Variants in CPPED1 observed in about 807,000 individuals in gnomAD.
CPPED1 encodes serine/threonine-protein phosphatase CPPED1.
Under a neutral mutation model 28.0 loss-of-function variants are expected in CPPED1, and 28 were observed. The observed-to-expected ratio is 1.00, with a 90% CI of 0.74 to 1.37. The LOEUF is 1.37. CPPED1 is among the 40% of genes most tolerant of loss of function. The pLI is 0.00. For missense variants in CPPED1, 504 were observed against 416.5 expected (o/e 1.21, Z -1.83); for synonymous variants, 198 against 180.2 (o/e 1.10, Z -0.79).
chr16:12,684,839 G>A (rs2079924335), intron 3 of CPPED1, among the ~76,000 whole-genome samples: 1 of 152,150 alleles, frequency 6.6e-6, no homozygotes, highest in African/African-American at 2.4e-5. Flanking sequence ...ATGGAGAGAT[G>A]GATGGATGGA....
chr16:12,769,573 T>A (rs945653121), intron 2 of CPPED1, among the ~76,000 whole-genome samples: 2 of 152,166 alleles, frequency 1.3e-5, no homozygotes, highest in African/African-American at 4.8e-5. Context: ...ATTAGTCATA[T>A]AAGGTAAATT....
intron 2 of CPPED1, among the ~76,000 whole-genome samples, chr16:12,721,193 G>A (rs1048046656): frequency 1.3e-5 from 2 of 152,036 alleles, no homozygotes; most frequent in African/African-American, 4.8e-5. Flanking sequence ...ATGCTTCACT[G>A]AAAGTCCATC....
intron 2 of CPPED1, among the ~76,000 whole-genome samples, chr16:12,711,698 G>T (rs1283737278): frequency 6.6e-6 from 1 of 152,080 alleles, no homozygotes. Flanking sequence ...GCTTTTCAAG[G>T]GGATCCATAA....
chr16:12,694,775 A>C (rs867536799), intron 3 of CPPED1, among the ~76,000 whole-genome samples: 2,635 of 128,750 alleles, frequency 0.02, 87 homozygotes, highest in African/African-American at 0.069. Context: ...TTTTTTAAAA[A>C]CCCCCCCCTT....
In CPPED1 at chr16:12,662,310, C is replaced by T. The variant is rs2079799493; in HGVS notation, c.*2576G>A. The T allele has an allele frequency of 6.6e-6, 1 of 152,132 alleles. No individual in the cohort carries two copies. Among genetic ancestry groups the T allele is most frequent in the Non-Finnish European group, 1.5e-5 (1 of 68,026 alleles). 9.4% of individuals were successfully genotyped at this position (152,132 alleles called of 1,614,324 possible). A position where few individuals can be genotyped will look rare whatever the true frequency, so the allele number is the denominator to read the frequency against. On this transcript the variant is annotated 3_prime_UTR_variant, in exon 4 of 4. Coordinates refer to ENST00000381774, the MANE Select transcript of CPPED1 (RefSeq NM_018340.3). ...AAACATTTCCTGACTTCTTGCTGAA[C>T]CTCTTGCCTCTGGGAAATACTGCTG...
At chr16:12,729,025 A>C (rs538652435) in intron 2 of CPPED1, among the ~76,000 whole-genome samples, 2 of 152,288 alleles carry the variant, frequency 1.3e-5, no homozygotes, top group East Asian at 3.9e-4. Context: ...GGTCACCATC[A>C]CTGGAAACAT....
In CPPED1 at chr16:12,662,266, G is replaced by T. The variant is rs775419269; in HGVS notation, c.*2620C>A. The T allele has an allele frequency of 8.5e-5, 13 of 152,154 alleles. No homozygotes were observed. The highest frequency in any genetic ancestry group is 1.5e-5 in the Non-Finnish European group (1 of 68,034). The allele number at this position is 152,154 out of a possible 1,614,324, so 9.4% of individuals were successfully genotyped here. A position where few individuals can be genotyped will look rare whatever the true frequency, so the allele number is the denominator to read the frequency against. Reference sequence around the variant, plus strand: ...CACACTAGTCATGGCCCATCAGAATGATAGATGCTTATCTACAAAAACATT... The same window carrying T: ...CACACTAGTCATGGCCCATCAGAATTATAGATGCTTATCTACAAAAACATT... On this transcript the variant is annotated 3_prime_UTR_variant, in exon 4 of 4. Coordinates refer to ENST00000381774, the MANE Select transcript of CPPED1 (RefSeq NM_018340.3).
intron 2 of CPPED1, among the ~76,000 whole-genome samples, chr16:12,747,578 T>A (rs1318101348): frequency 1.3e-5 from 2 of 151,942 alleles, no homozygotes; most frequent in Non-Finnish European, 2.9e-5. Context: ...TTAAATAAAT[T>A]AAATGTGTAA....
chr16:12,706,659 G>A (rs2080052778), intron 2 of CPPED1, among the ~76,000 whole-genome samples: 1 of 151,788 alleles, frequency 6.6e-6, no homozygotes, highest in Non-Finnish European at 1.5e-5. Context: ...TGTTTGGACT[G>A]GCAGCCCCAG....
At chr16:12,761,733 C>T (rs2080410897) in intron 2 of CPPED1, among the ~76,000 whole-genome samples, 1 of 152,108 alleles carries the variant, frequency 6.6e-6, no homozygotes, top group African/African-American at 2.4e-5. Context: ...AAATGTGAGC[C>T]AGGGACAGTG....
intron 2 of CPPED1, among the ~76,000 whole-genome samples, chr16:12,732,727 G>C (rs1388345856): frequency 1.3e-5 from 2 of 152,088 alleles, no homozygotes; most frequent in African/African-American, 4.8e-5. Flanking sequence ...CAAAGGCAAG[G>C]AGACAAAGCC....
intron 2 of CPPED1, among the ~76,000 whole-genome samples, chr16:12,719,278 C>T (rs542423940): frequency 6.8e-4 from 103 of 151,890 alleles, no homozygotes; most frequent in Admixed American, 1.4e-3. Flanking sequence ...GTAGTCCCAG[C>T]TACTCGGGAA....
intron 3 of CPPED1, among the ~76,000 whole-genome samples, chr16:12,669,934 C>T (rs951866033): frequency 6.6e-6 from 1 of 152,152 alleles, no homozygotes; most frequent in African/African-American, 2.4e-5. Flanking sequence ...GACAGGATTC[C>T]CAATGGCCAA....
chr16:12,701,215 T>C (rs1397331921), intron 3 of CPPED1, among the ~76,000 whole-genome samples: 1 of 151,432 alleles, frequency 6.6e-6, no homozygotes, highest in Admixed American at 6.6e-5. Flanking sequence ...AGTGACATAG[T>C]AAGACTCCAT....
chr16:12,773,126 G>A (rs946021797), intron 2 of CPPED1, among the ~76,000 whole-genome samples: 2 of 152,124 alleles, frequency 1.3e-5, no homozygotes, highest in African/African-American at 2.4e-5. Flanking sequence ...AGACCCAAAC[G>A]AAAGAAGCCA....
chr16:12,704,596 C>T (rs1329663852), intron 3 of CPPED1, 28 bp downstream of exon 3: 1 of 1,582,728 alleles, frequency 6.3e-7, no homozygotes, highest in South Asian at 1.2e-5. Context: ...GTCCTTCCTC[C>T]CTGAAACCCG....
chr16:12,673,747 G>A (rs937357415), intron 3 of CPPED1, among the ~76,000 whole-genome samples: 1 of 152,154 alleles, frequency 6.6e-6, no homozygotes, highest in Admixed American at 6.5e-5. Context: ...GCTGCAAGAG[G>A]ACTAGCAATA....
intron 2 of CPPED1, among the ~76,000 whole-genome samples, chr16:12,726,904 G>A (rs1048773319): frequency 3.3e-5 from 5 of 152,172 alleles, no homozygotes; most frequent in Admixed American, 6.5e-5. Flanking sequence ...AGTGTACGGG[G>A]CTAGGTGCCT....
intron 3 of CPPED1, among the ~76,000 whole-genome samples, chr16:12,665,739 C>A (rs998039827): frequency 1.3e-5 from 2 of 152,122 alleles, no homozygotes; most frequent in Non-Finnish European, 2.9e-5. Flanking sequence ...ACCAGCGTGG[C>A]CAATATGGTG....
Sources: allele counts gnomAD v4.1 joint callset (sites outside exome capture counted in the v4.1 genomes callset), GRCh38; gene constraint gnomAD v4.1.1; transcripts MANE v1.5; gene names NCBI Gene and HGNC (gene_info 2026-07-23, HGNC 2026-07-21).